The following HCN1 variants were observed in gnomAD, a reference collection of about 807,000 sequenced individuals.
HCN1 encodes the protein potassium/sodium hyperpolarization-activated cyclic nucleotide-gated channel 1.
A neutral mutation model predicts 78.9 loss-of-function variants in HCN1; 13 were observed. The ratio of observed to expected loss-of-function variants is 0.16; its 90% CI spans 0.11 to 0.26. The LOEUF is 0.26. Ranked by LOEUF, HCN1 falls within the 10% of genes least tolerant of loss-of-function variation. The pLI is 1.00. For missense variants in HCN1, 810 were observed against 1,154.3 expected (o/e 0.70, Z 4.32); for synonymous variants, 552 against 455.5 (o/e 1.21, Z -2.70).
chr5:45,396,472 C>T lies in HCN1; in HGVS notation c.1230+20G>A, dbSNP rs780579570. ...CAGGTTAGCTGGTTAAAGACATTGGCGATAAATAAAACAAATTACCTTCTC... is the reference window on the plus strand; with the variant it reads ...CAGGTTAGCTGGTTAAAGACATTGGTGATAAATAAAACAAATTACCTTCTC... On this transcript the variant is annotated intron_variant, in intron 4 of 7. Coordinates refer to ENST00000303230, the MANE Select transcript of HCN1 (RefSeq NM_021072.4). 2.1e-5 allele frequency: 33 copies of T among 1,598,302 alleles called. No homozygotes were observed. Among genetic ancestry groups the T allele is most frequent in the Admixed American group, 1.2e-4 (7 of 59,124 alleles).
At chr5:45,657,464 A>G (rs1745795925) in intron 1 of HCN1, among the ~76,000 whole-genome samples, 1 of 152,232 alleles carries the variant, frequency 6.6e-6, no homozygotes, top group African/African-American at 2.4e-5. Context: ...TCCCATTAGT[A>G]GGCAGATGTT....
intron 2 of HCN1, chr5:45,559,111 C>A (rs1579968695): frequency 1.3e-5 from 2 of 151,482 alleles, no homozygotes; most frequent in African/African-American, 4.9e-5. Context: ...TTAAGCCCAC[C>A]GTTGAGACCG....
intron 4 of HCN1, among the ~76,000 whole-genome samples, chr5:45,385,737 T>C (rs191484136): frequency 6.6e-6 from 1 of 152,362 alleles, no homozygotes; most frequent in East Asian, 1.9e-4. Context: ...TGCAATTAAA[T>C]ATAAAATGTA....
chr5:45,287,347 T>G (rs1252538225), intron 6 of HCN1, among the ~76,000 whole-genome samples: 1 of 152,054 alleles, frequency 6.6e-6, no homozygotes, highest in Non-Finnish European at 1.5e-5. Context: ...CCTCTAATTC[T>G]AAATTTACAA....
chr5:45,396,367 T>A (rs1739686817), intron 4 of HCN1, 125 bp downstream of exon 4: 1 of 798,668 alleles, frequency 1.3e-6, no homozygotes, highest in Non-Finnish European at 2.1e-6. Flanking sequence ...AGTGTGTTTT[T>A]ACTTTAAACA....
chr5:45,284,478 G>A (rs1279356428), intron 6 of HCN1, among the ~76,000 whole-genome samples: 2 of 152,136 alleles, frequency 1.3e-5, no homozygotes, highest in African/African-American at 4.8e-5. Context: ...CTAAGTAGGA[G>A]CAAAGTGATC....
intron 6 of HCN1, among the ~76,000 whole-genome samples, chr5:45,296,956 A>G (rs1745507896): frequency 6.6e-6 from 1 of 152,032 alleles, no homozygotes; most frequent in South Asian, 2.1e-4. Flanking sequence ...ATTTGCTGAG[A>G]CCAGCTCGGT....
At chr5:45,477,931 A>C (rs190107958) in intron 2 of HCN1, among the ~76,000 whole-genome samples, 4 of 152,126 alleles carry the variant, frequency 2.6e-5, no homozygotes, top group Admixed American at 1.3e-4. Flanking sequence ...GAGAACGCAG[A>C]AAAAAAGACA....
At chr5:45,388,051 G>A (rs1747963711) in intron 4 of HCN1, among the ~76,000 whole-genome samples, 1 of 152,102 alleles carries the variant, frequency 6.6e-6, no homozygotes, top group Non-Finnish European at 1.5e-5. Context: ...GTGACTCAAA[G>A]TCTCAGTGGT....
intron 6 of HCN1, among the ~76,000 whole-genome samples, chr5:45,270,411 A>G (rs1464725087): frequency 6.6e-6 from 1 of 152,216 alleles, no homozygotes; most frequent in African/African-American, 2.4e-5. Flanking sequence ...ATACTGGTTT[A>G]ATCCCTGAAG....
chr5:45,295,141 A>C (rs903071626), intron 6 of HCN1, among the ~76,000 whole-genome samples: 1 of 151,982 alleles, frequency 6.6e-6, no homozygotes, highest in Non-Finnish European at 1.5e-5. Flanking sequence ...TAAGCTATGT[A>C]GACAAATCTC....
chr5:45,548,792 G>C (rs1267483504), intron 2 of HCN1, among the ~76,000 whole-genome samples: 2 of 152,082 alleles, frequency 1.3e-5, no homozygotes, highest in African/African-American at 4.8e-5. Flanking sequence ...GGTAACTTCA[G>C]CAAAGTCTCA....
chr5:45,283,405 T>C (rs1745207190), intron 6 of HCN1, among the ~76,000 whole-genome samples: 1 of 152,134 alleles, frequency 6.6e-6, no homozygotes, highest in Non-Finnish European at 1.5e-5. Flanking sequence ...CTGATAAGTC[T>C]AATATCCAGC....
chr5:45,391,843 G>C (rs1240015373), intron 4 of HCN1, among the ~76,000 whole-genome samples: 1 of 152,160 alleles, frequency 6.6e-6, no homozygotes, highest in Non-Finnish European at 1.5e-5. Flanking sequence ...TCTGGACAGA[G>C]AGAGTAAATA....
Position 45,695,870 on chromosome 5 carries a change from T to TCGA in HCN1, c.223_224insTCG (p.Gly74_Glu75insVal). The TCGA allele has an allele frequency of 5.1e-6, 8 of 1,563,452 alleles. No individual in the cohort carries two copies. Among genetic ancestry groups the TCGA allele is most frequent in the Non-Finnish European group, 6.0e-6 (7 of 1,161,668 alleles). On this transcript the variant is annotated inframe_insertion, in exon 1 of 8. Coordinates refer to ENST00000303230, the MANE Select transcript of HCN1 (RefSeq NM_021072.4). ...GTCTTCGAAGCCCCCCGCCGGCTCC[T>TCGA]CGCCGCCGCCGCCGCCGCCGCCACC...
intron 2 of HCN1, among the ~76,000 whole-genome samples, chr5:45,548,111 G>C (rs1243243802): frequency 6.6e-6 from 1 of 151,700 alleles, no homozygotes; most frequent in African/African-American, 2.4e-5. Flanking sequence ...CCTTTATTCA[G>C]ATATTTAATA....
intron 2 of HCN1, among the ~76,000 whole-genome samples, chr5:45,592,320 T>C (rs1310614593): frequency 7.8e-6 from 1 of 128,432 alleles, no homozygotes; most frequent in Non-Finnish European, 1.9e-5. Flanking sequence ...TCTTTAAGTG[T>C]ATGTGTAAAT....
intron 6 of HCN1, among the ~76,000 whole-genome samples, chr5:45,281,872 G>A (rs1331273713): frequency 1.3e-5 from 2 of 151,826 alleles, no homozygotes; most frequent in African/African-American, 2.4e-5. Context: ...TTACAGGTGT[G>A]AGCCACTGAG....
intron 2 of HCN1, among the ~76,000 whole-genome samples, chr5:45,599,038 A>G (rs990451259): frequency 6.6e-6 from 1 of 152,204 alleles, no homozygotes; most frequent in Non-Finnish European, 1.5e-5. Flanking sequence ...TAGAAATACC[A>G]TTTGACCCGG....
Sources: gnomAD v4.1 joint callset for allele counts (sites outside exome capture counted in the v4.1 genomes callset) on GRCh38, gnomAD v4.1.1 for gene constraint, MANE v1.5 for transcripts, NCBI Gene and HGNC (gene_info 2026-07-23, HGNC 2026-07-21) for gene names.